CRB1: variants seen among roughly 807,000 people sequenced by gnomAD.
CRB1 encodes crumbs cell polarity complex component 1, also known as protein crumbs homolog 1.
Under a neutral mutation model 120.0 loss-of-function variants are expected in CRB1, and 83 were observed. The observed-to-expected ratio is 0.69, with a 90% CI of 0.58 to 0.83. The LOEUF (loss-of-function observed/expected upper bound fraction) is 0.83. Among genes scored for constraint, CRB1 ranks in the 40% least tolerant of loss-of-function variants. The probability of loss-of-function intolerance (pLI) is 0.00; values close to 1 mark genes in which losing one functional copy is unlikely to be tolerated. For missense variants in CRB1, 1,699 were observed against 1,687.6 expected, an observed-to-expected ratio of 1.01 and a Z score of -0.12; for synonymous variants, 625 against 612.5, an observed-to-expected ratio of 1.02 and a Z score of -0.30.
chr1:197,380,294 T>A (rs567661074), intron 5 of CRB1, among the ~76,000 whole-genome samples: 79 of 152,320 alleles, frequency 5.2e-4, no homozygotes, highest in African/African-American at 1.8e-3. Context: ...TTTAGCATCA[T>A]TGACCTGGCC....
chr1:197,230,575 A>T, the CRB1 span, among the ~76,000 whole-genome samples: 17 of 152,284 alleles, frequency 1.1e-4, no homozygotes, highest in South Asian at 3.5e-3. Flanking sequence ...CTGATAAGTT[A>T]TTGATTGTAT....
At chr1:197,473,346 A>AAT (rs1667061050) in intron 11 of CRB1, among the ~76,000 whole-genome samples, 1 of 152,220 alleles carries the variant, frequency 6.6e-6, no homozygotes, top group Non-Finnish European at 1.5e-5. Flanking sequence ...TCCAGCATAC[A>AAT]ATAATCAGGA....
chr1:197,453,576 GGA>G lies in CRB1; in HGVS notation c.4005+11305_4005+11306del, dbSNP rs71131760. Among the ~76,000 whole-genome samples the G allele has an allele frequency of 3.6e-3, 428 of 118,514 alleles. 2 individuals are homozygous for G. Among genetic ancestry groups the G allele is most frequent in the African/African-American group, 8.4e-3 (273 of 32,368 alleles). The allele number at this position is 118,514 out of a possible 152,430, so 77.7% of individuals were successfully genotyped here. On this transcript the variant is annotated intron_variant, in intron 11 of 11. Coordinates refer to ENST00000367400, the MANE Select transcript of CRB1 (RefSeq NM_201253.3). ...CAGAGAGAGAGAGAGAGAGGGAGAG[GGA>G]GAGAGAGAGAGAGAGAGAGACAAGG...
intron 4 of CRB1, among the ~76,000 whole-genome samples, chr1:197,348,120 CA>C (rs1659881677): frequency 6.6e-6 from 1 of 152,196 alleles, no homozygotes; most frequent in Non-Finnish European, 1.5e-5. Context: ...ACCACATATA[CA>C]ACCGTGGTCC....
chr1:197,348,723 G>A (rs1468145391), intron 4 of CRB1, among the ~76,000 whole-genome samples: 6 of 152,060 alleles, frequency 3.9e-5, no homozygotes, highest in Non-Finnish European at 7.4e-5. Flanking sequence ...TGATCCGCCC[G>A]CCTCAGCCTC....
At chr1:197,260,192 GGAAGAGGAA>G in the CRB1 span, among the ~76,000 whole-genome samples, 1 of 70,992 alleles carries the variant, frequency 1.4e-5, no homozygotes, top group South Asian at 6.4e-4. Context: ...AGGAAGAAGA[GGAAGAGGAA>G]GAAGAGGAAG....
At chr1:197,210,683 C>A in the CRB1 span, among the ~76,000 whole-genome samples, 2 of 152,018 alleles carry the variant, frequency 1.3e-5, no homozygotes, top group Admixed American at 1.3e-4. Flanking sequence ...GAAAATAAAA[C>A]TTGAAAACAA....
chr1:197,396,217 T>C (rs1176389514), intron 5 of CRB1, among the ~76,000 whole-genome samples: 1 of 152,144 alleles, frequency 6.6e-6, no homozygotes, highest in Admixed American at 6.5e-5. Flanking sequence ...ACTGAAATTT[T>C]TAAAGTACTA....
At chr1:197,340,998 A>G (rs1170629171) in intron 2 of CRB1, among the ~76,000 whole-genome samples, 1 of 152,126 alleles carries the variant, frequency 6.6e-6, no homozygotes, top group Non-Finnish European at 1.5e-5. Context: ...AGGCAAAGAG[A>G]GAGCTTGTGC....
chr1:197,410,946 C>T (rs897505557), intron 5 of CRB1, among the ~76,000 whole-genome samples: 7 of 152,190 alleles, frequency 4.6e-5, no homozygotes, highest in African/African-American at 1.7e-4. Flanking sequence ...GCACAGTGAG[C>T]ATAAATAAAC....
intron 2 of CRB1, among the ~76,000 whole-genome samples, chr1:197,336,886 A>G (rs1428614190): frequency 6.6e-5 from 10 of 152,228 alleles, no homozygotes; most frequent in African/African-American, 2.2e-4. Flanking sequence ...GCCTATGAGT[A>G]GAGCAAAAAT....
chr1:197,436,016 A>G (rs563012952), intron 9 of CRB1, among the ~76,000 whole-genome samples: 1 of 152,218 alleles, frequency 6.6e-6, no homozygotes, highest in South Asian at 2.1e-4. Flanking sequence ...CAGGCAGGTA[A>G]ATACTCTAAA....
intron 5 of CRB1, among the ~76,000 whole-genome samples, chr1:197,408,067 G>C (rs1210758279): frequency 1.3e-5 from 2 of 152,090 alleles, no homozygotes; most frequent in Non-Finnish European, 2.9e-5. Flanking sequence ...AACATAGAAA[G>C]AGGTATTCAC....
chr1:197,464,175 T>G (rs1666649012), intron 11 of CRB1, among the ~76,000 whole-genome samples: 1 of 152,204 alleles, frequency 6.6e-6, no homozygotes, highest in Non-Finnish European at 1.5e-5. Context: ...TCACAGCAGA[T>G]GGCTTCCTTT....
chr1:197,340,387 G>A (rs1182716640), intron 2 of CRB1, among the ~76,000 whole-genome samples: 2 of 152,286 alleles, frequency 1.3e-5, no homozygotes, highest in East Asian at 3.9e-4. Context: ...AGCTTCTACT[G>A]CATTACAAGG....
At chr1:197,440,911 T>C (rs569644922) in intron 10 of CRB1, 1 of 152,200 alleles carries the variant, frequency 6.6e-6, no homozygotes, top group East Asian at 1.9e-4. Context: ...ATCAGAGAAG[T>C]CTCCCTCCAG....
At chr1:197,389,685 T>C (rs984369472) in intron 5 of CRB1, among the ~76,000 whole-genome samples, 7 of 151,306 alleles carry the variant, frequency 4.6e-5, no homozygotes, top group Admixed American at 3.3e-4. Flanking sequence ...GAAATGTCAA[T>C]TTTATGTTAT....
intron 5 of CRB1, 58 bp downstream of exon 5, chr1:197,357,071 G>A (rs907243355): frequency 4.5e-6 from 7 of 1,539,714 alleles, no homozygotes; most frequent in African/African-American, 1.4e-5. Flanking sequence ...GCAGACCATG[G>A]CTTTAACCAA....
At chr1:197,356,656 C>G (rs1197480663) in intron 4 of CRB1, among the ~76,000 whole-genome samples, 175 bp from the exon 5 acceptor site, 1 of 152,134 alleles carries the variant, frequency 6.6e-6, no homozygotes, top group Non-Finnish European at 1.5e-5. Flanking sequence ...TTTACTGATA[C>G]TAGTACTTGT....
Sources: allele counts gnomAD v4.1 joint callset (sites outside exome capture counted in the v4.1 genomes callset), GRCh38; gene constraint gnomAD v4.1.1; transcripts MANE v1.5; gene names NCBI Gene and HGNC (gene_info 2026-07-23, HGNC 2026-07-21).